TSHZ2: variants seen among roughly 807,000 people sequenced by gnomAD.
TSHZ2 encodes the protein teashirt homolog 2.
TSHZ2 carries 21 observed loss-of-function variants against 74.4 expected under a neutral mutation model. That is an observed-to-expected ratio of 0.28 (90% CI 0.20 to 0.41). TSHZ2 has a LOEUF of 0.41. TSHZ2 is among the 10% of genes least tolerant of loss of function. TSHZ2 has a pLI of 1.00. For missense variants in TSHZ2, 1,244 were observed against 1,293.5 expected (o/e 0.96, Z 0.59); for synonymous variants, 540 against 515.3 (o/e 1.05, Z -0.65).
intron 2 of TSHZ2, among the ~76,000 whole-genome samples, chr20:53,325,460 C>A (rs200643): frequency 2.6e-5 from 4 of 152,114 alleles, no homozygotes; most frequent in African/African-American, 7.2e-5. Flanking sequence ...AGCAGCTGGC[C>A]GTTGCGTGTG....
At chr20:53,112,022 C>G (rs1281618568) in intron 1 of TSHZ2, among the ~76,000 whole-genome samples, 2 of 152,192 alleles carry the variant, frequency 1.3e-5, no homozygotes, top group Non-Finnish European at 1.5e-5. Context: ...ACCCATGTCC[C>G]GGCCTCATCA....
chr20:53,383,404 C>T (rs1329819473), intron 2 of TSHZ2, among the ~76,000 whole-genome samples: 2 of 152,094 alleles, frequency 1.3e-5, no homozygotes, highest in Non-Finnish European at 2.9e-5. Flanking sequence ...GAAGTTCTTA[C>T]AAATACCCTA....
chr20:53,056,057 G>C (rs1200823837), intron 1 of TSHZ2, among the ~76,000 whole-genome samples: 7 of 152,244 alleles, frequency 4.6e-5, no homozygotes, highest in African/African-American at 1.7e-4. Flanking sequence ...TTACTTGTTT[G>C]CTTGTTTGTT....
Position 53,245,400 on chromosome 20 carries a change from G to A in TSHZ2, c.41-8099G>A, listed in dbSNP as rs139932060. 5.9e-5 allele frequency among the ~76,000 whole-genome samples: 9 copies of A among 152,242 alleles called. No homozygotes were observed. The East Asian group carries it at 1.3e-3, about 23-fold the overall frequency. ...GGTTGGTGTTTTCCAGTATAAACTG[G>A]GAGCAACCATCTAAGCCATAGGCAT... On this transcript the variant is annotated intron_variant, in intron 1 of 2. Transcript: ENST00000371497.
intron 1 of TSHZ2, among the ~76,000 whole-genome samples, chr20:53,108,729 G>GT (rs985048998): frequency 3.9e-5 from 6 of 152,152 alleles, no homozygotes; most frequent in African/African-American, 1.2e-4. Context: ...TCCAAGACCT[G>GT]TTTTATGATT....
chr20:53,041,757 T>C (rs938244412), intron 1 of TSHZ2, among the ~76,000 whole-genome samples: 1 of 152,222 alleles, frequency 6.6e-6, no homozygotes, highest in Non-Finnish European at 1.5e-5. Context: ...AGCATTTGAA[T>C]ACAGATTCGC....
At chr20:53,328,871 A>G (rs1979601094) in intron 2 of TSHZ2, among the ~76,000 whole-genome samples, 3 of 152,218 alleles carry the variant, frequency 2.0e-5, no homozygotes, top group African/African-American at 7.2e-5. Context: ...GTTTAAAGCC[A>G]TAACCCTGGC....
chr20:53,293,819 C>A (rs1323795862), intron 2 of TSHZ2, among the ~76,000 whole-genome samples: 1 of 151,892 alleles, frequency 6.6e-6, no homozygotes, highest in Non-Finnish European at 1.5e-5. Flanking sequence ...AGATGGAGAC[C>A]ATCCTGGACA....
intron 2 of TSHZ2, among the ~76,000 whole-genome samples, chr20:53,438,752 G>A (rs1229728815): frequency 3.9e-5 from 6 of 152,180 alleles, no homozygotes; most frequent in African/African-American, 1.4e-4. Flanking sequence ...TCTGAGGTCA[G>A]GAGTTCGAGA....
intron 1 of TSHZ2, among the ~76,000 whole-genome samples, chr20:53,063,107 G>T (rs1250894471): frequency 6.6e-6 from 1 of 152,092 alleles, no homozygotes; most frequent in Non-Finnish European, 1.5e-5. Flanking sequence ...TAATGAAAAA[G>T]TTTGAAATAT....
chr20:53,313,507 G>C (rs574828003), intron 2 of TSHZ2, among the ~76,000 whole-genome samples: 1 of 152,294 alleles, frequency 6.6e-6, no homozygotes, highest in East Asian at 1.9e-4. Flanking sequence ...CAGGAGCTGA[G>C]GTTTCCACAC....
intron 1 of TSHZ2, among the ~76,000 whole-genome samples, chr20:53,004,661 T>A (rs1275462277): frequency 6.6e-6 from 1 of 152,178 alleles, no homozygotes; most frequent in Non-Finnish European, 1.5e-5. Context: ...TTTTAAATGG[T>A]GTCCTAGGTG....
At chr20:53,289,115 C>G (rs6063926) in intron 2 of TSHZ2, among the ~76,000 whole-genome samples, 3 of 152,152 alleles carry the variant, frequency 2.0e-5, no homozygotes, top group African/African-American at 7.2e-5. Context: ...TGGTCTCCAA[C>G]TCATCCAGAT....
At chr20:52,995,112 C>T (rs1982133878) in intron 1 of TSHZ2, among the ~76,000 whole-genome samples, 1 of 152,174 alleles carries the variant, frequency 6.6e-6, no homozygotes, top group Non-Finnish European at 1.5e-5. Flanking sequence ...ACTTTTTTAT[C>T]TTGATGAATC....
chr20:53,424,643 G>A (rs1983596414), intron 2 of TSHZ2, among the ~76,000 whole-genome samples: 2 of 152,078 alleles, frequency 1.3e-5, no homozygotes, highest in East Asian at 1.9e-4. Context: ...TGCCATGGTG[G>A]TTTCCTGCAC....
chr20:53,065,367 T>G (rs1466025291), intron 1 of TSHZ2, among the ~76,000 whole-genome samples: 1 of 152,152 alleles, frequency 6.6e-6, no homozygotes, highest in Non-Finnish European at 1.5e-5. Context: ...AAAGGGAGCA[T>G]GATATCTTTT....
intron 1 of TSHZ2, among the ~76,000 whole-genome samples, chr20:53,160,953 A>T (rs1438130179): frequency 6.6e-6 from 1 of 151,990 alleles, no homozygotes; most frequent in Non-Finnish European, 1.5e-5. Context: ...TATTAATAAA[A>T]GCAGACCAGT....
intron 2 of TSHZ2, among the ~76,000 whole-genome samples, chr20:53,374,922 T>C (rs1271299661): frequency 1.8e-5 from 2 of 113,536 alleles, no homozygotes; most frequent in Non-Finnish European, 3.2e-5. Context: ...TCTGTTGATA[T>C]GAAAAAAAAA....
At chr20:53,455,242 T>C (rs1600653962) in intron 2 of TSHZ2, 1 of 152,312 alleles carries the variant, frequency 6.6e-6, no homozygotes, top group African/African-American at 2.4e-5. Context: ...GCTTACGGTC[T>C]TCACAGCACT....
Sources: allele counts gnomAD v4.1 joint callset (sites outside exome capture counted in the v4.1 genomes callset), GRCh38; gene constraint gnomAD v4.1.1; transcripts MANE v1.5; gene names NCBI Gene and HGNC (gene_info 2026-07-23, HGNC 2026-07-21).